Variants in RGS6 observed in about 807,000 individuals in gnomAD.
RGS6 encodes the protein regulator of G protein signaling 6, also known as regulator of G-protein signaling 6.
Under a neutral mutation model 78.5 loss-of-function variants are expected in RGS6, and 30 were observed. The observed-to-expected ratio is 0.38, with a 90% confidence interval of 0.29 to 0.52. RGS6 has a LOEUF of 0.52. RGS6 is among the 20% of genes least tolerant of loss of function. The probability of loss-of-function intolerance (pLI) is 0.85; values close to 1 mark genes in which losing one functional copy is unlikely to be tolerated. For missense variants in RGS6, 495 were observed against 609.7 expected (o/e 0.81, Z 1.98); for synonymous variants, 206 against 206.0 (o/e 1.00, Z 0.00).
chr14:72,517,721 A>C (rs2096969536), intron 14 of RGS6, among the ~76,000 whole-genome samples: 1 of 152,220 alleles, frequency 6.6e-6, no homozygotes, highest in Non-Finnish European at 1.5e-5. Flanking sequence ...CTATAATAGG[A>C]ATGGCTGGTT....
intron 2 of RGS6, among the ~76,000 whole-genome samples, chr14:72,309,845 G>A (rs1193916743): frequency 1.3e-5 from 2 of 152,342 alleles, no homozygotes; most frequent in African/African-American, 4.8e-5. Flanking sequence ...TGTATGATCA[G>A]TATTAAACTC....
intron 2 of RGS6, among the ~76,000 whole-genome samples, chr14:72,132,767 A>G (rs1357316998): frequency 2.0e-5 from 3 of 146,658 alleles, no homozygotes; most frequent in African/African-American, 7.5e-5. Context: ...GAAGTCAGAC[A>G]TGTTTTGTTT....
intron 2 of RGS6, among the ~76,000 whole-genome samples, chr14:72,152,788 G>A (rs895277601): frequency 6.6e-6 from 1 of 152,104 alleles, no homozygotes; most frequent in African/African-American, 2.4e-5. Flanking sequence ...GATTGTTCTA[G>A]GACTTTCTCC....
chr14:72,558,803 C>T (rs911731258), intron 17 of RGS6, among the ~76,000 whole-genome samples: 1 of 152,170 alleles, frequency 6.6e-6, no homozygotes, highest in African/African-American at 2.4e-5. Context: ...AGCACTTTGT[C>T]GGTATGCAAA....
At chr14:71,960,423 C>G (rs549619131) in intron 1 of RGS6, among the ~76,000 whole-genome samples, 1 of 152,258 alleles carries the variant, frequency 6.6e-6, no homozygotes, top group South Asian at 2.1e-4. Flanking sequence ...CTTTTAATGG[C>G]TTGTTATCCA....
At chr14:72,301,233 A>G (rs903132846) in intron 2 of RGS6, among the ~76,000 whole-genome samples, 2 of 152,194 alleles carry the variant, frequency 1.3e-5, no homozygotes, top group Non-Finnish European at 2.9e-5. Flanking sequence ...TCCTTGACCA[A>G]TGTAAATAAA....
At chr14:72,055,460 G>T (rs542722564) in intron 2 of RGS6, among the ~76,000 whole-genome samples, 1 of 152,278 alleles carries the variant, frequency 6.6e-6, no homozygotes, top group East Asian at 1.9e-4. Flanking sequence ...TGCTTAGTTT[G>T]ATGGCACCCA....
chr14:72,199,756 G>A (rs531249279), intron 2 of RGS6, among the ~76,000 whole-genome samples: 1 of 152,146 alleles, frequency 6.6e-6, no homozygotes, highest in African/African-American at 2.4e-5. Flanking sequence ...GATGTACAGG[G>A]TCTAAGTGGT....
At chr14:72,180,949 C>G (rs1318575285) in intron 2 of RGS6, among the ~76,000 whole-genome samples, 1 of 152,206 alleles carries the variant, frequency 6.6e-6, no homozygotes, top group Non-Finnish European at 1.5e-5. Context: ...TTATAAATTA[C>G]TGAGCATTCT....
the RGS6 span, among the ~76,000 whole-genome samples, chr14:71,898,919 A>G: frequency 2.0e-5 from 3 of 152,146 alleles, no homozygotes; most frequent in Admixed American, 6.5e-5. Flanking sequence ...GTACACTTTT[A>G]TAAGTTAGAA....
rs577518101 is a variant in RGS6, at chr14:72,239,834, C to G, written c.85-112261C>G. The stretch of plus-strand genomic sequence containing the variant: ...CCATTGAAAATAATTTCTAATATCC[C>G]TTTATGCTAATTAATGAACTATCTG... On this transcript the variant is annotated intron_variant, in intron 2 of 17. Transcript: ENST00000553525. 2.0e-5 allele frequency among the ~76,000 whole-genome samples: 3 copies of G among 152,274 alleles called. No homozygotes were observed. In the East Asian group the frequency reaches 5.8e-4, roughly 29 times the overall value.
intron 2 of RGS6, among the ~76,000 whole-genome samples, chr14:72,151,611 T>A (rs2096688366): frequency 6.6e-6 from 1 of 152,172 alleles, no homozygotes; most frequent in Non-Finnish European, 1.5e-5. Context: ...TTTTCCCCAC[T>A]CTTACAGTTG....
the RGS6 span, among the ~76,000 whole-genome samples, chr14:71,906,782 G>A: frequency 5.8e-4 from 23 of 39,948 alleles, no homozygotes; most frequent in Admixed American, 7.9e-3. Context: ...TCAGGCAGAG[G>A]TCAGATCAGT....
At chr14:71,981,617 C>T (rs2094459358) in intron 2 of RGS6, among the ~76,000 whole-genome samples, 1 of 151,864 alleles carries the variant, frequency 6.6e-6, no homozygotes, top group African/African-American at 2.4e-5. Flanking sequence ...GGGTCAGGGA[C>T]CTACTTGAGG....
chr14:72,036,443 C>G (rs1314095861), intron 2 of RGS6, among the ~76,000 whole-genome samples: 1 of 152,012 alleles, frequency 6.6e-6, no homozygotes, highest in African/African-American at 2.4e-5. Flanking sequence ...GCTGAGTCAA[C>G]CGGTAGATGT....
chr14:72,081,864 T>C (rs967345810), intron 2 of RGS6, among the ~76,000 whole-genome samples: 2 of 150,630 alleles, frequency 1.3e-5, no homozygotes, highest in African/African-American at 4.8e-5. Context: ...AATTTTTTAC[T>C]TTTTTTTTCC....
chr14:72,391,460 G>C (rs2089969273), intron 3 of RGS6, among the ~76,000 whole-genome samples: 1 of 152,172 alleles, frequency 6.6e-6, no homozygotes, highest in African/African-American at 2.4e-5. Flanking sequence ...CCATTGGGGT[G>C]GGCTTTCCCC....
chr14:72,221,872 C>T (rs1268517505), intron 2 of RGS6, among the ~76,000 whole-genome samples: 1 of 152,152 alleles, frequency 6.6e-6, no homozygotes, highest in Non-Finnish European at 1.5e-5. Context: ...GGGGTCAATC[C>T]CATTAACCCC....
intron 2 of RGS6, among the ~76,000 whole-genome samples, chr14:72,101,692 T>C (rs940784624): frequency 1.1e-4 from 17 of 152,304 alleles, no homozygotes; most frequent in African/African-American, 3.6e-4. Flanking sequence ...GCATCTCTGT[T>C]CCCAAGTACC....
Sources: gnomAD v4.1 joint callset for allele counts (sites outside exome capture counted in the v4.1 genomes callset) on GRCh38, gnomAD v4.1.1 for gene constraint, MANE v1.5 for transcripts, NCBI Gene and HGNC (gene_info 2026-07-23, HGNC 2026-07-21) for gene names.